Variants in CBX1 observed in about 807,000 individuals in gnomAD.
CBX1 encodes chromobox protein homolog 1.
A neutral mutation model predicts 25.1 loss-of-function variants in CBX1; 10 were observed. The ratio of observed to expected loss-of-function variants is 0.40; its 90% CI spans 0.25 to 0.68. CBX1 has a LOEUF of 0.68. CBX1 is among the 30% of genes least tolerant of loss of function. CBX1 has a pLI of 0.40. For synonymous variants in CBX1, 63 were observed against 79.4 expected (o/e 0.79, Z 1.10); for missense variants, 106 against 218.5 (o/e 0.49, Z 3.25).
Position 48,071,354 on chromosome 17 carries a change from T to C in CBX1, c.*81A>G. On this transcript the variant is annotated 3_prime_UTR_variant, in exon 5 of 5. Coordinates refer to ENST00000225603, the MANE Select transcript of CBX1 (RefSeq NM_001127228.2). ...AGGACATCTTCTCAAGCCACCTCTA[T>C]GGTGTCAAGACAAGTAGAACTCCTT... 7.1e-7 allele frequency: 1 copy of C among 1,399,230 alleles called. No homozygotes were observed. Among genetic ancestry groups the C allele is most frequent in the Non-Finnish European group, 9.8e-7 (1 of 1,025,468 alleles). The allele number at this position is 1,399,230 out of a possible 1,614,324, so 86.7% of individuals were successfully genotyped here. A position where few individuals can be genotyped will look rare whatever the true frequency, so the allele number is the denominator to read the frequency against.
intron 1 of CBX1, among the ~76,000 whole-genome samples, chr17:48,091,357 T>G (rs2063342683): frequency 6.6e-6 from 1 of 152,044 alleles, no homozygotes; most frequent in Non-Finnish European, 1.5e-5. Context: ...CTATCAAAGT[T>G]CATAACTGCA....
chr17:48,072,028 ACT>A (rs2037629320), intron 4 of CBX1, among the ~76,000 whole-genome samples: 3 of 141,236 alleles, frequency 2.1e-5, no homozygotes. Flanking sequence ...ACAGAATCTC[ACT>A]CTGTTGCCCA....
chr17:48,097,211 G>A (rs898394278), intron 1 of CBX1, among the ~76,000 whole-genome samples: 3 of 151,088 alleles, frequency 2.0e-5, no homozygotes, highest in African/African-American at 2.4e-5. Flanking sequence ...CTGAGATTGC[G>A]CCACTGCACT....
At chr17:48,077,321 A>C (rs2037684038) in intron 1 of CBX1, among the ~76,000 whole-genome samples, 1 of 150,960 alleles carries the variant, frequency 6.6e-6, no homozygotes, top group South Asian at 2.1e-4. Context: ...AAAGTGGCGC[A>C]ATCTCGGCTT....
chr17:48,083,802 C>T (rs557154218), intron 1 of CBX1, among the ~76,000 whole-genome samples: 1 of 149,850 alleles, frequency 6.7e-6, no homozygotes, highest in Non-Finnish European at 1.5e-5. Context: ...CCAGCCTGGG[C>T]GACAAAAGCG....
chr17:48,081,302 CTGCAAGCT>C (rs1567765728), intron 1 of CBX1, among the ~76,000 whole-genome samples: 1 of 152,074 alleles, frequency 6.6e-6, no homozygotes, highest in African/African-American at 2.4e-5. Flanking sequence ...TCTCTACCTA[CTGCAAGCT>C]TATCCTCCCT....
chr17:48,080,826 CAGG>C lies in CBX1; in HGVS notation c.-37-3788_-37-3786del, dbSNP rs569451927. On this transcript the variant is annotated intron_variant, in intron 1 of 4. Transcript: ENST00000225603. ...GTGCCAGCTACTCGGGAGGCTGAGGCAGGAGAATTGCTTGAACCCGGGAGGCGG... is the reference window on the plus strand; with the variant it reads ...GTGCCAGCTACTCGGGAGGCTGAGGCAGAATTGCTTGAACCCGGGAGGCGG... Among the ~76,000 whole-genome samples, 371 of 141,908 alleles carry C rather than the reference CAGG, an allele frequency of 2.6e-3. 3 individuals carry two copies. Among genetic ancestry groups the C allele is most frequent in the African/African-American group, 9.2e-3 (351 of 38,158 alleles). The allele number at this position is 141,908 out of a possible 152,430, so 93.1% of individuals were successfully genotyped here. A position where few individuals can be genotyped will look rare whatever the true frequency, so the allele number is the denominator to read the frequency against.
chr17:48,100,843 G>A (rs983676858), intron 1 of CBX1: 11 of 985,710 alleles, frequency 1.1e-5, no homozygotes, highest in Non-Finnish European at 1.2e-5. Context: ...GTCCCAGCCG[G>A]ACCCGGCGTC....
chr17:48,085,233 A>G (rs945806568), intron 1 of CBX1, among the ~76,000 whole-genome samples: 19 of 152,234 alleles, frequency 1.2e-4, no homozygotes, highest in African/African-American at 4.3e-4. Flanking sequence ...TTAATCTTCA[A>G]AACCATCCTG....
intron 1 of CBX1, among the ~76,000 whole-genome samples, chr17:48,094,391 G>A (rs1185307446): frequency 4.0e-5 from 6 of 151,760 alleles, no homozygotes; most frequent in Non-Finnish European, 5.9e-5. Flanking sequence ...CCAAGATTGT[G>A]CCACTGCACT....
intron 1 of CBX1, 115 bp downstream of exon 1, chr17:48,101,153 C>G: frequency 2.0e-6 from 2 of 986,658 alleles, no homozygotes; most frequent in Non-Finnish European, 2.4e-6. Context: ...TGGACCCGGG[C>G]GCGCTCCCCG....
intron 1 of CBX1, among the ~76,000 whole-genome samples, chr17:48,083,073 T>C (rs1291512907): frequency 1.4e-5 from 2 of 146,798 alleles, no homozygotes; most frequent in Non-Finnish European, 1.5e-5. Context: ...TCCATGTTGG[T>C]CAGGCTGGTC....
intron 1 of CBX1, among the ~76,000 whole-genome samples, chr17:48,086,527 G>C (rs1174437457): frequency 6.6e-6 from 1 of 152,180 alleles, no homozygotes; most frequent in East Asian, 1.9e-4. Flanking sequence ...TAAACCAGTA[G>C]GGTTTCTAGC....
chr17:48,099,506 C>G (rs2063395627), intron 1 of CBX1, among the ~76,000 whole-genome samples: 1 of 152,124 alleles, frequency 6.6e-6, no homozygotes, highest in African/African-American at 2.4e-5. Context: ...TCCTCCACTC[C>G]CGTGAAGCTT....
intron 1 of CBX1, among the ~76,000 whole-genome samples, chr17:48,077,975 G>A (rs1437896140): frequency 2.6e-5 from 4 of 152,040 alleles, no homozygotes; most frequent in Admixed American, 6.6e-5. Context: ...CCAACATGGC[G>A]AGACCCTGTC....
intron 1 of CBX1, among the ~76,000 whole-genome samples, chr17:48,098,846 G>A (rs1267958327): frequency 6.6e-6 from 1 of 152,070 alleles, no homozygotes; most frequent in Non-Finnish European, 1.5e-5. Flanking sequence ...AAAAAGGGAG[G>A]TTTTGCTAGA....
intron 4 of CBX1, 32 bp from the exon 5 acceptor site, chr17:48,071,611 C>A (rs771577823): frequency 5.1e-6 from 8 of 1,565,418 alleles, no homozygotes; most frequent in Non-Finnish European, 4.3e-6. Flanking sequence ...GACTTTGAGA[C>A]CAGGTGCTGG....
intron 1 of CBX1, among the ~76,000 whole-genome samples, chr17:48,080,368 C>A (rs984526394): frequency 6.6e-6 from 1 of 151,932 alleles, no homozygotes; most frequent in Non-Finnish European, 1.5e-5. Context: ...AGACTTAAAG[C>A]CTTATGATTA....
In CBX1 at chr17:48,076,873, T is replaced by C. The variant is rs747316157; in HGVS notation, c.132A>G (p.Gly44=). 4.0e-5 allele frequency: 64 copies of C among 1,609,632 alleles called. No individual in the cohort carries two copies. In the South Asian group the frequency reaches 7.0e-4, roughly 17 times the overall value. The change falls in exon 2 of 5, where the codon GGA becomes GGG. Residue 44 remains glycine, a synonymous_variant. Coordinates refer to ENST00000225603, the MANE Select transcript of CBX1 (RefSeq NM_001127228.2). The part of the protein sequence containing the change: ...GKVEYLLKWK[G]FSDEDNTWEP... ...GTGTCAGTGAAACTTACTCTGAGAATCCCTTCCACTTTAGGAGGTACTCCA... is the reference window on the plus strand; with the variant it reads ...GTGTCAGTGAAACTTACTCTGAGAACCCCTTCCACTTTAGGAGGTACTCCA...
Sources: allele counts gnomAD v4.1 joint callset (sites outside exome capture counted in the v4.1 genomes callset), GRCh38; gene constraint gnomAD v4.1.1; transcripts MANE v1.5; gene names NCBI Gene and HGNC (gene_info 2026-07-23, HGNC 2026-07-21).